Variants in TRPM3 observed in about 807,000 individuals in gnomAD.
The protein encoded by TRPM3 is transient receptor potential cation channel subfamily M member 3.
A neutral mutation model predicts 181.2 loss-of-function variants in TRPM3; 77 were observed. The ratio of observed to expected loss-of-function variants is 0.42; its 90% CI spans 0.35 to 0.51. TRPM3 has a LOEUF of 0.51. TRPM3 is among the 20% of genes least tolerant of loss of function. The pLI is 0.01. For missense variants in TRPM3, 1,759 were observed against 2,196.7 expected (o/e 0.80, Z 3.98); for synonymous variants, 745 against 796.4 (o/e 0.94, Z 1.09).
chr9:71,120,333 C>A (rs1249208018), intron 1 of TRPM3, among the ~76,000 whole-genome samples: 1 of 152,086 alleles, frequency 6.6e-6, no homozygotes, highest in Non-Finnish European at 1.5e-5. Context: ...ATTTACTGGG[C>A]AAAAATGCTT....
At chr9:70,881,413 C>A (rs1163759257) in intron 1 of TRPM3, among the ~76,000 whole-genome samples, 1 of 152,122 alleles carries the variant, frequency 6.6e-6, no homozygotes, top group African/African-American at 2.4e-5. Flanking sequence ...TAGGAATTTT[C>A]TGAGATTTAA....
chr9:71,313,710 T>A (rs539183123), intron 1 of TRPM3, among the ~76,000 whole-genome samples: 56 of 152,274 alleles, frequency 3.7e-4, no homozygotes, highest in African/African-American at 1.3e-3. Context: ...GATCACATAA[T>A]CCATTTAAAT....
At chr9:71,002,934 G>C (rs2134252528) in intron 1 of TRPM3, among the ~76,000 whole-genome samples, 1 of 152,050 alleles carries the variant, frequency 6.6e-6, no homozygotes, top group South Asian at 2.1e-4. Context: ...TTCCAAAAAG[G>C]TTTGTAATAA....
At chr9:70,844,124 C>A (rs116947368) in intron 4 of TRPM3, among the ~76,000 whole-genome samples, 1 of 152,266 alleles carries the variant, frequency 6.6e-6, no homozygotes, top group East Asian at 1.9e-4. Flanking sequence ...GTTGGAGGGT[C>A]AGTGCCTTAT....
chr9:70,804,389 T>C lies in TRPM3; in HGVS notation c.974-20110A>G, dbSNP rs556741224. 3.9e-5 allele frequency among the ~76,000 whole-genome samples: 6 copies of C among 152,344 alleles called. No individual in the cohort carries two copies. The East Asian group carries it at 1.2e-3, about 29-fold the overall frequency. ...CTACTGTTCTTTATTGGATATACTA[T>C]GTAAGTAGACTTATAAACCACTGCT... is the stretch of plus-strand genomic sequence containing the variant. On this transcript the variant is annotated intron_variant, in intron 6 of 25. Coordinates refer to ENST00000677713, the MANE Select transcript of TRPM3 (RefSeq NM_001366145.2).
intron 1 of TRPM3, among the ~76,000 whole-genome samples, chr9:71,021,844 G>T (rs887543733): frequency 9.2e-5 from 14 of 152,272 alleles, no homozygotes; most frequent in Middle Eastern, 6.8e-3. Flanking sequence ...ACTGATTTCA[G>T]TAAGACCTTA....
intron 8 of TRPM3, among the ~76,000 whole-genome samples, chr9:70,741,245 T>C (rs923302704): frequency 4.6e-5 from 7 of 151,936 alleles, no homozygotes; most frequent in African/African-American, 1.7e-4. Context: ...GAAATGCAAA[T>C]CAAAACCACA....
intron 22 of TRPM3, among the ~76,000 whole-genome samples, chr9:70,583,598 T>A (rs2056480926): frequency 6.6e-6 from 1 of 152,236 alleles, no homozygotes; most frequent in Non-Finnish European, 1.5e-5. Context: ...AGAGTTCACC[T>A]TTGTGGAAGG....
chr9:71,378,126 C>A (rs897021150), intron 1 of TRPM3, among the ~76,000 whole-genome samples: 5 of 151,908 alleles, frequency 3.3e-5, no homozygotes, highest in African/African-American at 1.2e-4. Flanking sequence ...TAAAAAAAGA[C>A]AACCCTACAG....
chr9:71,172,526 C>A (rs554619648), intron 1 of TRPM3, among the ~76,000 whole-genome samples: 9 of 152,094 alleles, frequency 5.9e-5, no homozygotes, highest in Non-Finnish European at 1.0e-4. Flanking sequence ...CCCACTTTAG[C>A]CTCTCGAGTA....
At chr9:71,158,710 T>C (rs568214630) in intron 1 of TRPM3, among the ~76,000 whole-genome samples, 12 of 152,274 alleles carry the variant, frequency 7.9e-5, no homozygotes, top group African/African-American at 2.4e-4. Context: ...GGTGCCCAGA[T>C]AGCTGTTCAA....
intron 1 of TRPM3, among the ~76,000 whole-genome samples, chr9:70,992,780 G>A (rs571122856): frequency 6.6e-6 from 1 of 152,296 alleles, no homozygotes; most frequent in East Asian, 1.9e-4. Context: ...GAATAGGAGT[G>A]TGAATAAATA....
chr9:71,350,011 A>G (rs960591630), intron 1 of TRPM3, among the ~76,000 whole-genome samples: 1 of 150,136 alleles, frequency 6.7e-6, no homozygotes, highest in East Asian at 1.9e-4. Context: ...ATGGGCCTAA[A>G]AAATGACCTG....
intron 1 of TRPM3, among the ~76,000 whole-genome samples, chr9:71,439,042 T>C (rs868863977): frequency 4.6e-5 from 7 of 152,334 alleles, no homozygotes; most frequent in Middle Eastern, 6.8e-3. Context: ...TTCAATATAG[T>C]ATGGATTTTA....
At chr9:70,925,416 T>C (rs1025534192) in intron 1 of TRPM3, among the ~76,000 whole-genome samples, 8 of 152,118 alleles carry the variant, frequency 5.3e-5, no homozygotes, top group African/African-American at 1.9e-4. Context: ...TTAGGGAGGC[T>C]GTGGGAGTCA....
At chr9:70,779,020 A>C (rs2081991997) in intron 7 of TRPM3, among the ~76,000 whole-genome samples, 1 of 149,368 alleles carries the variant, frequency 6.7e-6, no homozygotes, top group South Asian at 2.1e-4. Context: ...GCCATACAAC[A>C]TTTTTTTTTT....
rs559550501 is a variant in TRPM3, at chr9:71,201,369, G to C, written c.183+245284C>G. On this transcript the variant is annotated intron_variant, in intron 1 of 24. Transcript: ENST00000357533. ...TATGTGTCTTGGAGTTGTTCTTCTC[G>C]AGGAGTATCTTTGTGGTGTTCTCTG... 1.1e-3 allele frequency among the ~76,000 whole-genome samples: 171 copies of C among 151,930 alleles called. 1 individual carries two copies. Among genetic ancestry groups the C allele is most frequent in the Admixed American group, 9.8e-3 (150 of 15,262 alleles).
upstream of TRPM3, among the ~76,000 whole-genome samples, chr9:71,123,978 TA>T (rs1237622505): frequency 6.6e-6 from 1 of 152,094 alleles, no homozygotes; most frequent in Admixed American, 6.5e-5. Context: ...TTTTACTGAA[TA>T]ACTTTGGTCA....
At chr9:70,576,325 T>G (rs2053922371) in intron 22 of TRPM3, among the ~76,000 whole-genome samples, 1 of 152,178 alleles carries the variant, frequency 6.6e-6, no homozygotes, top group Admixed American at 6.5e-5. Flanking sequence ...CATCAACCTT[T>G]GGCAGTGCAC....
Sources: gnomAD v4.1 joint callset for allele counts (sites outside exome capture counted in the v4.1 genomes callset) on GRCh38, gnomAD v4.1.1 for gene constraint, MANE v1.5 for transcripts, NCBI Gene and HGNC (gene_info 2026-07-23, HGNC 2026-07-21) for gene names.